CCDC186: variants seen among roughly 807,000 people sequenced by gnomAD.
CCDC186 encodes coiled-coil domain-containing protein 186.
In CCDC186, 49 loss-of-function variants were observed where a neutral mutation model predicts 113.7. That is an observed-to-expected ratio of 0.43 (90% CI 0.34 to 0.55). The LOEUF (loss-of-function observed/expected upper bound fraction) is 0.55, where lower values mean the gene tolerates loss of function less well. CCDC186 is among the 20% of genes least tolerant of loss of function. CCDC186 has a pLI of 0.02. For missense variants in CCDC186, 890 were observed against 1,011.1 expected (o/e 0.88, Z 1.62); for synonymous variants, 355 against 345.8 (o/e 1.03, Z -0.30).
At chr10:114,164,110 ATATATTT>A (rs2032262776) in intron 1 of CCDC186, among the ~76,000 whole-genome samples, 2 of 103,332 alleles carry the variant, frequency 1.9e-5, no homozygotes, top group African/African-American at 7.7e-5. Context: ...GTGTATATAT[ATATATTT>A]TTTTTTTTTT....
rs568875840 is a variant in CCDC186, at chr10:114,146,169, C to T, written c.889-408G>A. On this transcript the variant is annotated intron_variant, in intron 4 of 15. Coordinates refer to ENST00000369287, the MANE Select transcript of CCDC186 (RefSeq NM_018017.4). ...AAGGCAGTAGGCAGAAGCTTGGGAA[C>T]GTAGGCAGAGTGAGATCTGGCTCCT... is the stretch of plus-strand genomic sequence containing the variant. Among the ~76,000 whole-genome samples the T allele has an allele frequency of 5.2e-4, 79 of 152,288 alleles. 1 individual carries two copies. Among genetic ancestry groups the T allele is most frequent in the Admixed American group, 3.9e-3 (60 of 15,302 alleles).
intron 4 of CCDC186, among the ~76,000 whole-genome samples, chr10:114,149,607 GGGA>G (rs2031760516): frequency 5.9e-5 from 2 of 34,046 alleles, no homozygotes; most frequent in Non-Finnish European, 1.1e-4. Flanking sequence ...GGGAAGGGAA[GGGA>G]AGGGAAGGGA....
At chr10:114,155,800 T>C (rs2031994063) in intron 3 of CCDC186, among the ~76,000 whole-genome samples, 1 of 152,244 alleles carries the variant, frequency 6.6e-6, no homozygotes, top group Admixed American at 6.5e-5. Flanking sequence ...ATGAGCTGTT[T>C]TATTTTTATA....
At chr10:114,159,511 G>A (rs942848752) in intron 2 of CCDC186, among the ~76,000 whole-genome samples, 14 of 151,712 alleles carry the variant, frequency 9.2e-5, no homozygotes, top group African/African-American at 3.4e-4. Flanking sequence ...GGTGTGGTAG[G>A]GCGTGCCTGT....
At chr10:114,145,102 A>G (rs2031593832) in intron 5 of CCDC186, among the ~76,000 whole-genome samples, 1 of 152,168 alleles carries the variant, frequency 6.6e-6, no homozygotes, top group South Asian at 2.1e-4. Context: ...TATCTAAGAA[A>G]GACATGTTTT....
chr10:114,134,580 G>C (rs771818942), intron 10 of CCDC186, among the ~76,000 whole-genome samples: 25 of 152,182 alleles, frequency 1.6e-4, no homozygotes, highest in Non-Finnish European at 3.2e-4. Flanking sequence ...CACGTGCGAA[G>C]ATCTAGAGCA....
At chr10:114,161,972 A>C (rs1387302739) in intron 2 of CCDC186, 15 of 152,088 alleles carry the variant, frequency 9.9e-5, no homozygotes, top group Admixed American at 9.8e-4. Context: ...AGGTATCATG[A>C]GTAGTCAAAC....
At chr10:114,127,313 A>C (rs1039120118) in intron 14 of CCDC186, 148 bp downstream of exon 14, 3 of 716,198 alleles carry the variant, frequency 4.2e-6, no homozygotes, top group African/African-American at 1.8e-5. Flanking sequence ...CTAGAACATA[A>C]TAGGTGACCA....
rs1013916724 is a variant in CCDC186 at position 114,134,964 on chromosome 10, T to C, written c.1604A>G (p.Asn535Ser). Residue 535 changes from asparagine (N) to serine (S), a missense_variant, in exon 10 of 16, where the codon AAT becomes AGT. Physicochemically the swap from Asn to Ser is conservative, Grantham distance 46. Coordinates refer to ENST00000369287, the MANE Select transcript of CCDC186 (RefSeq NM_018017.4). ...TGCAGTTTTCACCTTGTCCAATAAA[T>C]TCTGAATTTCAGCTTTTTGGCGATT... ...IINRQKAEIQNLLDKVKTADQ... is the reference protein window; with the variant it reads ...IINRQKAEIQSLLDKVKTADQ... 2 of 1,612,728 alleles carry C rather than the reference T, an allele frequency of 1.2e-6. No individual in the cohort carries two copies. Among genetic ancestry groups the C allele is most frequent in the South Asian group, 2.2e-5 (2 of 90,810 alleles).
chr10:114,139,231 AT>A (rs1255215175), intron 6 of CCDC186, among the ~76,000 whole-genome samples: 1 of 986 alleles, frequency 1.0e-3, no homozygotes, highest in African/African-American at 3.5e-3. Context: ...GTTCCTCCAC[AT>A]GGGAATGCCT....
intron 2 of CCDC186, among the ~76,000 whole-genome samples, chr10:114,159,363 G>C (rs1315870870): frequency 6.6e-6 from 1 of 152,176 alleles, no homozygotes; most frequent in Non-Finnish European, 1.5e-5. Flanking sequence ...TCTATATACA[G>C]ACAACTGTTC....
chr10:114,130,055 A>G (rs1213606591), intron 12 of CCDC186, 84 bp from the exon 13 acceptor site: 2 of 1,240,704 alleles, frequency 1.6e-6, no homozygotes, highest in African/African-American at 3.0e-5. Flanking sequence ...AAAATCACTG[A>G]GGCAAAAATG....
At chr10:114,172,854 G>C (rs188677610) in intron 1 of CCDC186, among the ~76,000 whole-genome samples, 12 of 152,276 alleles carry the variant, frequency 7.9e-5, no homozygotes, top group Non-Finnish European at 1.5e-4. Context: ...TACACACAGA[G>C]ATAGTTCAGT....
intron 3 of CCDC186, among the ~76,000 whole-genome samples, chr10:114,151,869 T>C (rs1169621352): frequency 1.3e-5 from 2 of 152,210 alleles, no homozygotes; most frequent in African/African-American, 4.8e-5. Context: ...TTAAAGTGCT[T>C]ATTTTAAGTG....
Position 114,124,179 on chromosome 10 carries a change from A to C in CCDC186, c.*964T>G, listed in dbSNP as rs2030815135. ...TTTATGTTTTAAATAAATACACTGA[A>C]ACATCACATTTGGGGGAACTGTATG... On this transcript the variant is annotated 3_prime_UTR_variant, in exon 16 of 16. Coordinates refer to ENST00000369287, the MANE Select transcript of CCDC186 (RefSeq NM_018017.4). The C allele has an allele frequency of 6.6e-6, 1 of 152,180 alleles. No homozygotes were observed. Among genetic ancestry groups the C allele is most frequent in the African/African-American group, 2.4e-5 (1 of 41,434 alleles). The allele number at this position is 152,180 out of a possible 1,614,324, so 9.4% of individuals were successfully genotyped here.
chr10:114,154,104 G>A (rs1316474591), intron 3 of CCDC186, among the ~76,000 whole-genome samples: 6 of 151,336 alleles, frequency 4.0e-5, no homozygotes, highest in Non-Finnish European at 5.9e-5. Context: ...GCAGCTACTC[G>A]GGAGGTTGAG....
chr10:114,140,102 C>T (rs1056708811), intron 6 of CCDC186, among the ~76,000 whole-genome samples: 3 of 152,156 alleles, frequency 2.0e-5, no homozygotes, highest in Admixed American at 6.5e-5. Flanking sequence ...ATAATCTCAC[C>T]TTCATGAAGC....
Position 114,163,041 on chromosome 10 carries a change from A to G in CCDC186, c.228T>C (p.Gly76=). ...TGTCTGTTTTGGCACAAGAATCCTC[A>G]CCTCCACCATGATCTGGAATATAAT... ...QENYIPDHGG[G]EDSCAKTDTG... The change falls in exon 2 of 16, where the codon GGT becomes GGC. Residue 76 remains glycine (G), a synonymous_variant. Coordinates refer to ENST00000369287, the MANE Select transcript of CCDC186 (RefSeq NM_018017.4). 1.2e-6 allele frequency: 2 copies of G among 1,614,020 alleles called. No homozygotes were observed. The highest frequency in any genetic ancestry group is 1.7e-6 in the Non-Finnish European group (2 of 1,179,970).
Position 114,154,408 on chromosome 10 carries a change from A to G in CCDC186, c.759+3146T>C, listed in dbSNP as rs111493162. ...GACCTTATAGAAATAAAAATAATTG[A>G]ATAAATAAATAGTATGAACAATTTA... On this transcript the variant is annotated intron_variant, in intron 3 of 15. Coordinates refer to ENST00000369287, the MANE Select transcript of CCDC186 (RefSeq NM_018017.4). Among the ~76,000 whole-genome samples, 225 of 152,188 alleles carry G rather than the reference A, an allele frequency of 1.5e-3. 2 individuals carry two copies. The highest frequency in any genetic ancestry group is 5.1e-3 in the African/African-American group (210 of 41,556).
Sources: gnomAD v4.1 joint callset for allele counts (sites outside exome capture counted in the v4.1 genomes callset) on GRCh38, gnomAD v4.1.1 for gene constraint, MANE v1.5 for transcripts, NCBI Gene and HGNC (gene_info 2026-07-23, HGNC 2026-07-21) for gene names.